Variants in TSPAN18 observed in about 807,000 individuals in gnomAD.
TSPAN18 encodes tetraspanin 18.
In TSPAN18, 14 loss-of-function variants were observed where a neutral mutation model predicts 27.3. The ratio of observed to expected loss-of-function variants is 0.51; its 90% CI spans 0.34 to 0.80. TSPAN18 has a LOEUF of 0.80. Ranked by LOEUF, TSPAN18 falls within the 30% of genes least tolerant of loss-of-function variation. TSPAN18 has a pLI of 0.01. For missense variants in TSPAN18, 268 were observed against 323.9 expected (o/e 0.83, Z 1.32); for synonymous variants, 143 against 136.5 (o/e 1.05, Z -0.33).
chr11:44,752,218 C>T (rs184072286), intron 1 of TSPAN18, among the ~76,000 whole-genome samples: 2 of 152,360 alleles, frequency 1.3e-5, no homozygotes, highest in African/African-American at 4.8e-5. Context: ...ATCTCCAAAA[C>T]AGGCTAGTTT....
chr11:44,858,305 A>T (rs1857788925), intron 2 of TSPAN18, among the ~76,000 whole-genome samples: 1 of 152,070 alleles, frequency 6.6e-6, no homozygotes, highest in Non-Finnish European at 1.5e-5. Flanking sequence ...CCACACACCC[A>T]TATCTGCCCC....
intron 2 of TSPAN18, among the ~76,000 whole-genome samples, chr11:44,820,566 C>G (rs1187219490): frequency 6.6e-6 from 1 of 152,174 alleles, no homozygotes; most frequent in African/African-American, 2.4e-5. Flanking sequence ...GGGCAAGTTC[C>G]TTAAACTTCC....
At chr11:44,770,720 G>C (rs1855671654) in intron 2 of TSPAN18, among the ~76,000 whole-genome samples, 1 of 152,198 alleles carries the variant, frequency 6.6e-6, no homozygotes, top group South Asian at 2.1e-4. Context: ...TACAAACACT[G>C]ATGTTGGAAT....
chr11:44,775,820 G>T (rs1855793916), intron 2 of TSPAN18, among the ~76,000 whole-genome samples: 1 of 152,178 alleles, frequency 6.6e-6, no homozygotes, highest in African/African-American at 2.4e-5. Flanking sequence ...AGCTTTCAGG[G>T]TGATAAAAAT....
intron 2 of TSPAN18, among the ~76,000 whole-genome samples, chr11:44,816,440 C>T (rs1378539310): frequency 1.3e-5 from 2 of 152,240 alleles, no homozygotes; most frequent in Admixed American, 6.5e-5. Context: ...TGCTCTGGCA[C>T]AGATGAACAT....
intron 4 of TSPAN18, 40 bp downstream of exon 4, chr11:44,906,519 G>A (rs779375001): frequency 1.1e-5 from 17 of 1,561,462 alleles, no homozygotes; most frequent in Middle Eastern, 1.7e-4. Context: ...TGCTGGGTGG[G>A]CAGAACTGGC....
At position 44,881,525 on chromosome 11, in the gene TSPAN18, C is replaced by T. The variant is rs181862105; in HGVS notation, c.-11+21056C>T. On this transcript the variant is annotated intron_variant, in intron 3 of 9. Transcript: ENST00000520358. The stretch of plus-strand genomic sequence containing the variant: ...ACATGACCTAAAAAGGGTCTTCATC[C>T]TAGTTTTCTATTTGTGAACTGAGGA... 4.6e-5 allele frequency among the ~76,000 whole-genome samples: 7 copies of T among 152,318 alleles called. No individual in the cohort carries two copies. The East Asian group carries it at 7.7e-4, about 17-fold the overall frequency.
At chr11:44,755,955 G>A (rs1250251360) in intron 1 of TSPAN18, among the ~76,000 whole-genome samples, 2 of 152,100 alleles carry the variant, frequency 1.3e-5, no homozygotes, top group Admixed American at 1.3e-4. Context: ...AGAGAGAAAT[G>A]GAGAGAGAGG....
intron 3 of TSPAN18, among the ~76,000 whole-genome samples, chr11:44,865,361 G>T (rs889853934): frequency 2.0e-5 from 3 of 152,210 alleles, no homozygotes; most frequent in Non-Finnish European, 4.4e-5. Context: ...TGTTAAAACA[G>T]TTGCAGAGCT....
At chr11:44,848,292 G>T (rs1857526250) in intron 2 of TSPAN18, among the ~76,000 whole-genome samples, 1 of 152,160 alleles carries the variant, frequency 6.6e-6, no homozygotes, top group South Asian at 2.1e-4. Context: ...CAAAGATGGG[G>T]CAAAGTGAGC....
chr11:44,823,453 A>C (rs1856970643), intron 2 of TSPAN18, among the ~76,000 whole-genome samples: 1 of 152,104 alleles, frequency 6.6e-6, no homozygotes, highest in African/African-American at 2.4e-5. Context: ...TTATGGACTC[A>C]CAATGGTGAG....
chr11:44,890,506 G>A (rs1858809468), intron 3 of TSPAN18, among the ~76,000 whole-genome samples: 2 of 151,758 alleles, frequency 1.3e-5, no homozygotes, highest in Non-Finnish European at 1.5e-5. Context: ...GGCGGATCAC[G>A]AGGTCAGGAG....
intron 2 of TSPAN18, among the ~76,000 whole-genome samples, chr11:44,803,913 C>A (rs1565156763): frequency 6.6e-6 from 1 of 152,168 alleles, no homozygotes; most frequent in Non-Finnish European, 1.5e-5. Flanking sequence ...AACATGAAAA[C>A]CCCATTCCAG....
intron 2 of TSPAN18, among the ~76,000 whole-genome samples, chr11:44,773,800 C>A (rs1204397967): frequency 6.6e-6 from 1 of 152,158 alleles, no homozygotes; most frequent in East Asian, 1.9e-4. Context: ...GCCTGGGAAC[C>A]CCTGGCGTCC....
At chr11:44,865,519 T>C (rs1309394724) in intron 3 of TSPAN18, among the ~76,000 whole-genome samples, 2 of 152,214 alleles carry the variant, frequency 1.3e-5, no homozygotes, top group African/African-American at 4.8e-5. Context: ...TGAAAAGTTA[T>C]TATTACACAA....
At chr11:44,905,315 A>T (rs1859414771) in intron 3 of TSPAN18, among the ~76,000 whole-genome samples, 1 of 151,948 alleles carries the variant, frequency 6.6e-6, no homozygotes, top group African/African-American at 2.4e-5. Flanking sequence ...TATTCCCAGA[A>T]CCCTTTGCAC....
At chr11:44,813,349 C>A (rs1856758157) in intron 2 of TSPAN18, among the ~76,000 whole-genome samples, 2 of 152,184 alleles carry the variant, frequency 1.3e-5, no homozygotes, top group Non-Finnish European at 2.9e-5. Flanking sequence ...AGTCAGGGAA[C>A]CTCTCTGAGT....
intron 1 of TSPAN18, among the ~76,000 whole-genome samples, chr11:44,759,080 C>T (rs1182913120): frequency 2.6e-5 from 4 of 152,224 alleles, no homozygotes; most frequent in South Asian, 2.1e-4. Context: ...CAGCAGCTGT[C>T]CTTCTGCTGT....
intron 4 of TSPAN18, among the ~76,000 whole-genome samples, chr11:44,906,878 C>T (rs4755295): frequency 0.88 from 133,676 of 152,148 alleles, 59,380 homozygotes; most frequent in Non-Finnish European, 0.95. Context: ...CTGGAGGGGC[C>T]GAGTCCATGT....
Sources: allele counts gnomAD v4.1 joint callset (sites outside exome capture counted in the v4.1 genomes callset), GRCh38; gene constraint gnomAD v4.1.1; transcripts MANE v1.5; gene names NCBI Gene and HGNC (gene_info 2026-07-23, HGNC 2026-07-21).